The following SSRP1 variants were observed in gnomAD, a reference collection of about 807,000 sequenced individuals.
SSRP1 encodes FACT complex subunit SSRP1.
A neutral mutation model predicts 84.4 loss-of-function variants in SSRP1; 21 were observed. The observed-to-expected ratio is 0.25, with a 90% CI of 0.18 to 0.36. The LOEUF is 0.36. SSRP1 is among the 10% of genes least tolerant of loss of function. The pLI is 1.00. For missense variants in SSRP1, 519 were observed against 900.8 expected (o/e 0.58, Z 5.43); for synonymous variants, 319 against 318.3 (o/e 1.00, Z -0.02).
In SSRP1 at chr11:57,327,855, G is replaced by A; in HGVS notation, c.1639C>T (p.Pro547Ser). 1.2e-6 allele frequency: 2 copies of A among 1,614,026 alleles called. No individual in the cohort carries two copies. Among genetic ancestry groups the A allele is most frequent in the Non-Finnish European group, 1.7e-6 (2 of 1,179,992 alleles). Residue 547 changes from proline (P) to serine (S), a missense_variant, in exon 14 of 17, where the codon CCC (proline) becomes TCC (serine). Pro to Ser is a moderately conservative substitution (Grantham distance 74, BLOSUM62 -1). Transcript: ENST00000278412. The part of the protein sequence containing the change: ...EVKKGKDPNA[P>S]KRPMSAYMLW... ...ATGTATGCAGACATGGGCCTCTTGG[G>A]GGCATTGGGGTCTTTGCCCTTCTTC...
chr11:57,331,588 G>C, intron 9 of SSRP1, 80 bp downstream of exon 9: 1 of 1,158,352 alleles, frequency 8.6e-7, no homozygotes, highest in South Asian at 1.3e-5. Context: ...GTTGGAGAGT[G>C]CCCCAGGCCA....
Position 57,328,319 on chromosome 11 carries a change from T to G in SSRP1, c.1589A>C (p.Lys530Thr), listed in dbSNP as rs747956444. The G allele has an allele frequency of 1.9e-6, 3 of 1,614,200 alleles. No homozygotes were observed. The African/African-American group carries it at 4.0e-5, about 22-fold the overall frequency. ...CACCTCCACAGGCTTCTTGCGGCTC[T>G]TGCGGTCCTTGGCCATCTTGGCCTT... ...LKKAKMAKDR[K>T]SRKKPVEVKK... The change falls in exon 13 of 17, where the codon AAG (lysine) becomes ACG (threonine). Residue 530 changes from lysine to threonine, a missense_variant. Physicochemically the swap from Lys to Thr is moderately conservative, Grantham distance 78. Transcript: ENST00000278412.
intron 12 of SSRP1, chr11:57,329,891 C>T: frequency 1.5e-6 from 1 of 668,758 alleles, no homozygotes; most frequent in Non-Finnish European, 2.6e-6. Flanking sequence ...TCCCACTATA[C>T]TTTTCCGACT....
In SSRP1 at chr11:57,335,448, C is replaced by T. The variant is rs1475337453; in HGVS notation, c.-119-208G>A. On this transcript the variant is annotated intron_variant, in intron 1 of 16. Transcript: ENST00000278412. The surrounding 1 kb of genome is among the most constrained non-coding windows in gnomAD (Gnocchi z 4.6). ...GGAATACCGCTGACACCCAACCCGA[C>T]GCCCGCTCTGGCCGCTCCGGCGGGA... 6 of 328,496 alleles carry T rather than the reference C, an allele frequency of 1.8e-5. No individual in the cohort carries two copies. The highest frequency in any genetic ancestry group is 8.1e-5 in the Admixed American group (2 of 24,822). 20.3% of individuals were successfully genotyped at this position (328,496 alleles called of 1,614,324 possible). A position where few individuals can be genotyped will look rare whatever the true frequency, so the allele number is the denominator to read the frequency against.
chr11:57,327,593 T>C, intron 14 of SSRP1, 79 bp from the exon 15 acceptor site: 3 of 1,604,380 alleles, frequency 1.9e-6, no homozygotes, highest in Non-Finnish European at 2.6e-6. Flanking sequence ...GCAAAATCGA[T>C]ACAGAAAGTC....
rs375739685 is a variant in SSRP1 at position 57,330,690 on chromosome 11, G to A, written c.1296+165C>T. ...GCTGCATAGACTGGTCTAAGGTCAT[G>A]CAGAGGAAACCTGCACCAGGAGGGG... On this transcript the variant is annotated intron_variant, in intron 10 of 16. Transcript: ENST00000278412. The surrounding 1 kb of genome is among the most constrained non-coding windows in gnomAD (Gnocchi z 4.0). 1.2e-5 allele frequency: 18 copies of A among 1,478,280 alleles called. No individual in the cohort carries two copies. The South Asian group carries it at 1.9e-4, about 16-fold the overall frequency. 91.6% of individuals were successfully genotyped at this position (1,478,280 alleles called of 1,614,324 possible).
chr11:57,327,190 C>A, intron 15 of SSRP1: 1 of 653,722 alleles, frequency 1.5e-6, no homozygotes, highest in South Asian at 2.0e-5. Flanking sequence ...TTTTCGTTCC[C>A]CCATACCTTC....
At chr11:57,327,306 C>A in intron 15 of SSRP1, 120 bp downstream of exon 15, 2 of 1,043,114 alleles carry the variant, frequency 1.9e-6, no homozygotes, top group Admixed American at 1.9e-5. Flanking sequence ...AGAAGCACTA[C>A]CCTACTGCAG....
Position 57,332,392 on chromosome 11 carries a change from T to C in SSRP1, c.863A>G (p.Asn288Ser), listed in dbSNP as rs1214280927. 6.2e-7 allele frequency: 1 copy of C among 1,614,134 alleles called. No individual in the cohort carries two copies. The highest frequency in any genetic ancestry group is 1.6e-4 in the Middle Eastern group (1 of 6,062). The change falls in exon 7 of 17, where the codon AAC becomes AGC. Residue 288 changes from asparagine to serine, a missense_variant. Asn to Ser is a conservative substitution (Grantham distance 46). Transcript: ENST00000278412. The surrounding 1 kb of genome is among the most constrained non-coding windows in gnomAD (Gnocchi z 5.5). Reference protein sequence around the residue: ...SKDEDISLTLNMNEEEVEKRF... With the variant: ...SKDEDISLTLSMNEEEVEKRF... Reference sequence around the variant, plus strand: ...CCAGGGAGACACTCACTCGTTCATGTTCAGAGTCAACGAAATGTCCTCGTC... The same window carrying C: ...CCAGGGAGACACTCACTCGTTCATGCTCAGAGTCAACGAAATGTCCTCGTC...
chr11:57,326,343 C>G lies in SSRP1; in HGVS notation c.*64G>C. Reference sequence around the variant, plus strand: ...GCATTTCATGAGGAGAAACTGGTACCAAAATATGGGTGGGGAGTCGGGGGG... The same window carrying G: ...GCATTTCATGAGGAGAAACTGGTACGAAAATATGGGTGGGGAGTCGGGGGG... On this transcript the variant is annotated 3_prime_UTR_variant, in exon 17 of 17. Transcript: ENST00000278412. 5 of 1,512,568 alleles carry G rather than the reference C, an allele frequency of 3.3e-6. No individual in the cohort carries two copies. Among genetic ancestry groups the G allele is most frequent in the Non-Finnish European group, 4.6e-6 (5 of 1,091,254 alleles). 93.7% of individuals were successfully genotyped at this position (1,512,568 alleles called of 1,614,324 possible).
Position 57,330,260 on chromosome 11 carries a change from A to G in SSRP1, c.1435+31T>C, listed in dbSNP as rs184962373. ...GGGCCACAGCGAGGAGCGTCTGACCATCCTCGTGCTCAGCACGGAGGCTAA... is the reference window on the plus strand; with the variant it reads ...GGGCCACAGCGAGGAGCGTCTGACCGTCCTCGTGCTCAGCACGGAGGCTAA... On this transcript the variant is annotated intron_variant, in intron 11 of 16. Transcript: ENST00000278412. The surrounding 1 kb of genome is among the most constrained non-coding windows in gnomAD (Gnocchi z 4.0). 21 of 1,614,180 alleles carry G rather than the reference A, an allele frequency of 1.3e-5. No individual in the cohort carries two copies. In the East Asian group the frequency reaches 4.5e-4, roughly 34 times the overall value.
In SSRP1 at chr11:57,334,628, C is replaced by G; in HGVS notation, c.75G>C (p.Leu25Phe). The change falls in exon 3 of 17, where the codon TTG becomes TTC. Residue 25 changes from leucine (L) to phenylalanine (F), a missense_variant. By Grantham distance (22) the Leu-to-Phe change is conservative (BLOSUM62 0). Coordinates refer to ENST00000278412, the MANE Select transcript of SSRP1 (RefSeq NM_003146.3). ...TCTTGAAGATGATGCCCTGACGGCT[C>G]AACCTCAGTCGACCATCATTCTGTA... Reference protein sequence around the residue: ...KGSMNDGRLRLSRQGIIFKNS... With the variant: ...KGSMNDGRLRFSRQGIIFKNS... 6.2e-7 allele frequency: 1 copy of G among 1,614,136 alleles called. No individual in the cohort carries two copies. Among genetic ancestry groups the G allele is most frequent in the Non-Finnish European group, 8.5e-7 (1 of 1,180,054 alleles).
Position 57,326,904 on chromosome 11 carries a change from G to T in SSRP1, c.1872-15C>A. 1 of 1,574,676 alleles carries T rather than the reference G, an allele frequency of 6.4e-7. No individual in the cohort carries two copies. ...TTGACTTGTCCCTGTATTGGCAAGA[G>T]GGAAGAGGAGCTGGGCCTTCAGGTC... On this transcript the variant is annotated splice_polypyrimidine_tract_variant and intron_variant, in intron 15 of 16. Coordinates refer to ENST00000278412, the MANE Select transcript of SSRP1 (RefSeq NM_003146.3).
chr11:57,326,698 C>T lies in SSRP1; in HGVS notation c.2058+5G>A, dbSNP rs765508319. ...CAGCCCACAGGCCCCACATTCCTGC[C>T]GCACCTCGCTCCTCCTCCTCTTCTT... On this transcript the variant is annotated splice_donor_5th_base_variant and intron_variant, in intron 16 of 16. Transcript: ENST00000278412. 2.5e-6 allele frequency: 4 copies of T among 1,612,296 alleles called. No homozygotes were observed. The highest frequency in any genetic ancestry group is 2.2e-5 in the South Asian group (2 of 90,934).
chr11:57,327,621 T>C, intron 14 of SSRP1, 91 bp downstream of exon 14: 1 of 1,600,794 alleles, frequency 6.2e-7, no homozygotes, highest in Non-Finnish European at 8.5e-7. Flanking sequence ...TGGCTCATAC[T>C]GCTCCCCTAT....
Position 57,330,808 on chromosome 11 carries a change from C to T in SSRP1, c.1296+47G>A. ...GAAAAAATCTCCACCCCTTTCTCCC[C>T]TATAGAAAGACCAGGAGAGGGTCTC... On this transcript the variant is annotated intron_variant, in intron 10 of 16. Coordinates refer to ENST00000278412, the MANE Select transcript of SSRP1 (RefSeq NM_003146.3). The surrounding 1 kb of genome is among the most constrained non-coding windows in gnomAD (Gnocchi z 4.0). 2 of 1,613,944 alleles carry T rather than the reference C, an allele frequency of 1.2e-6. No homozygotes were observed. Among genetic ancestry groups the T allele is most frequent in the East Asian group, 2.2e-5 (1 of 44,878 alleles).
In SSRP1 at chr11:57,330,176, A is replaced by G. The variant is rs375813458; in HGVS notation, c.1436-38T>C. Reference sequence around the variant, plus strand: ...ACAGGATGCATCAGCTTCTGCCCCAATGGAAATCCCCCCACCTCACCCAGG... The same window carrying G: ...ACAGGATGCATCAGCTTCTGCCCCAGTGGAAATCCCCCCACCTCACCCAGG... On this transcript the variant is annotated intron_variant, in intron 11 of 16. Coordinates refer to ENST00000278412, the MANE Select transcript of SSRP1 (RefSeq NM_003146.3). This position sits in a 1 kb window ranked among gnomAD's most constrained non-coding sequence, Gnocchi z 4.0. 156 of 1,614,166 alleles carry G rather than the reference A, an allele frequency of 9.7e-5. No individual in the cohort carries two copies. The highest frequency in any genetic ancestry group is 5.8e-4 in the Admixed American group (35 of 60,026).
At position 57,327,888 on chromosome 11, in the gene SSRP1, T is replaced by G. The variant is rs202065728; in HGVS notation, c.1612-6A>C. ...GGGTCTTTGCCCTTCTTCACCTACA[T>G]AAGAACCCAAATGCCTTCAGCTATT... On this transcript the variant is annotated splice_polypyrimidine_tract_variant and splice_region_variant and intron_variant, in intron 13 of 16. Transcript: ENST00000278412. The G allele has an allele frequency of 8.1e-5, 131 of 1,612,068 alleles. No individual in the cohort carries two copies. Among genetic ancestry groups the G allele is most frequent in the Non-Finnish European group, 9.1e-5 (107 of 1,178,762 alleles).
chr11:57,332,808 C>G lies in SSRP1; in HGVS notation c.585G>C (p.Thr195=). The change falls in exon 6 of 17, where the codon ACG becomes ACC. Residue 195 remains threonine (T), a synonymous_variant. Transcript: ENST00000278412. This position sits in a 1 kb window ranked among gnomAD's most constrained non-coding sequence, Gnocchi z 5.5. ...VLSKADVIQA[T]GDAICIFREL... Reference sequence around the variant, plus strand: ...CCCGGAAGATGCAGATGGCATCTCCCGTGGCCTGGATTACATCCGCCTTTG... The same window carrying G: ...CCCGGAAGATGCAGATGGCATCTCCGGTGGCCTGGATTACATCCGCCTTTG... The G allele has an allele frequency of 6.2e-7, 1 of 1,614,016 alleles. No homozygotes were observed. The highest frequency in any genetic ancestry group is 8.5e-7 in the Non-Finnish European group (1 of 1,179,992).
Sources: gnomAD v4.1 joint callset for allele counts on GRCh38, gnomAD v4.1.1 for gene constraint, Gnocchi (gnomAD v3.1) non-coding constraint, MANE v1.5 for transcripts, NCBI Gene and HGNC (gene_info 2026-07-23, HGNC 2026-07-21) for gene names.